The following STK32B variants were observed in gnomAD, a reference collection of about 807,000 sequenced individuals.
STK32B encodes serine/threonine-protein kinase 32B.
Under a neutral mutation model 52.6 loss-of-function variants are expected in STK32B, and 43 were observed. The observed-to-expected ratio is 0.82, with a 90% CI of 0.64 to 1.05. The LOEUF (loss-of-function observed/expected upper bound fraction) is 1.05. Ranked by LOEUF, STK32B falls within the 50% of genes least tolerant of loss-of-function variation. The pLI, the probability that STK32B is intolerant of heterozygous loss-of-function variation, is 0.00. For missense variants in STK32B, 621 were observed against 534.6 expected, an observed-to-expected ratio of 1.16 and a Z score of -1.59; for synonymous variants, 238 against 204.3, an observed-to-expected ratio of 1.17 and a Z score of -1.41.
chr4:5,221,587 A>G (rs1012001976), intron 3 of STK32B, among the ~76,000 whole-genome samples: 1 of 152,148 alleles, frequency 6.6e-6, no homozygotes, highest in African/African-American at 2.4e-5. Flanking sequence ...CTTCATGTCC[A>G]TGTTCATGGT....
At chr4:5,230,953 G>C (rs1310680489) in intron 3 of STK32B, among the ~76,000 whole-genome samples, 1 of 152,220 alleles carries the variant, frequency 6.6e-6, no homozygotes, top group Non-Finnish European at 1.5e-5. Context: ...AGACAATTTA[G>C]AGTCTATGGA....
rs913470161 is a variant in STK32B at position 5,489,385 on chromosome 4, A to G, written c.1107-9560A>G. On this transcript the variant is annotated intron_variant, in intron 11 of 11. Transcript: ENST00000282908. ...ATGCATGGTTTCCTGTCCATAACTC[A>G]GAAAATATGGCTGTTTTGATTAAAT... Among the ~76,000 whole-genome samples the G allele has an allele frequency of 7.9e-5, 12 of 152,352 alleles. No homozygotes were observed. The East Asian group carries it at 9.6e-4, about 12-fold the overall frequency.
chr4:5,076,230 C>T (rs144106898), intron 1 of STK32B, among the ~76,000 whole-genome samples: 9 of 152,150 alleles, frequency 5.9e-5, no homozygotes, highest in Admixed American at 2.0e-4. Context: ...ATGTAGAGTA[C>T]GACTAAGGAG....
intron 11 of STK32B, among the ~76,000 whole-genome samples, chr4:5,488,345 A>C (rs1719407049): frequency 6.6e-6 from 1 of 152,136 alleles, no homozygotes; most frequent in Non-Finnish European, 1.5e-5. Context: ...AATGGTGAGC[A>C]CTCTGGACTT....
chr4:5,083,771 C>G (rs1034520383), intron 1 of STK32B, among the ~76,000 whole-genome samples: 2 of 149,764 alleles, frequency 1.3e-5, no homozygotes, highest in African/African-American at 4.9e-5. Context: ...GAGTCTCACT[C>G]TCTTGCCCAG....
chr4:5,275,560 A>G, intron 3 of STK32B, among the ~76,000 whole-genome samples: 1 of 151,132 alleles, frequency 6.6e-6, no homozygotes, highest in Non-Finnish European at 1.5e-5. Flanking sequence ...TCTGTGAATC[A>G]GTTGCTTGCT....
At chr4:5,028,653 C>G in the STK32B span, among the ~76,000 whole-genome samples, 8 of 152,170 alleles carry the variant, frequency 5.3e-5, no homozygotes, top group Non-Finnish European at 1.0e-4. Context: ...CTATCAGCCT[C>G]AAACTGCGGT....
chr4:5,482,192 C>G (rs1313972729), intron 11 of STK32B, among the ~76,000 whole-genome samples: 1 of 152,110 alleles, frequency 6.6e-6, no homozygotes, highest in African/African-American at 2.4e-5. Context: ...GCCATTTTCA[C>G]GATATTGATT....
intron 3 of STK32B, among the ~76,000 whole-genome samples, chr4:5,205,053 C>T (rs190736853): frequency 2.9e-4 from 44 of 152,262 alleles, no homozygotes; most frequent in Admixed American, 2.0e-3. Flanking sequence ...CTGGAGGGCC[C>T]GAGTGGAACA....
chr4:5,314,860 A>C lies in STK32B; in HGVS notation c.261-16360A>C, dbSNP rs1730558185. Among the ~76,000 whole-genome samples the C allele has an allele frequency of 2.6e-5, 4 of 152,322 alleles. No individual in the cohort carries two copies. In the South Asian group the frequency reaches 8.3e-4, roughly 32 times the overall value. ...ATGAAGGAGATAAAATAAAAATACA[A>C]ATTTTATTTTAAAAATATAACATTG... is the stretch of plus-strand genomic sequence containing the variant. On this transcript the variant is annotated intron_variant, in intron 3 of 11. Coordinates refer to ENST00000282908, the MANE Select transcript of STK32B (RefSeq NM_018401.3).
intron 7 of STK32B, 97 bp downstream of exon 7, chr4:5,446,873 A>C: frequency 1.7e-6 from 2 of 1,187,794 alleles, no homozygotes; most frequent in Non-Finnish European, 2.4e-6. Flanking sequence ...GCGGTGCAGG[A>C]AGGAGCACTG....
intron 3 of STK32B, among the ~76,000 whole-genome samples, chr4:5,287,493 T>A (rs550908470): frequency 7.2e-5 from 11 of 151,854 alleles, no homozygotes; most frequent in Admixed American, 5.9e-4. Flanking sequence ...AAGTTTTTTT[T>A]ATTTTTGAAT....
chr4:5,379,914 C>A (rs574846766), intron 4 of STK32B, among the ~76,000 whole-genome samples: 1 of 152,278 alleles, frequency 6.6e-6, no homozygotes, highest in South Asian at 2.1e-4. Flanking sequence ...TTTGGGATCA[C>A]CTTGCTTTGG....
intron 3 of STK32B, among the ~76,000 whole-genome samples, chr4:5,299,200 G>A (rs545577659): frequency 7.9e-5 from 12 of 151,982 alleles, no homozygotes; most frequent in East Asian, 7.8e-4. Flanking sequence ...CACCTTTTGC[G>A]TTGGTCTCGC....
At chr4:5,321,035 G>T (rs1404129598) in intron 3 of STK32B, among the ~76,000 whole-genome samples, 1 of 152,106 alleles carries the variant, frequency 6.6e-6, no homozygotes, top group Non-Finnish European at 1.5e-5. Flanking sequence ...TGAAGGGAAG[G>T]GTCTTTGAGA....
intron 4 of STK32B, among the ~76,000 whole-genome samples, chr4:5,390,306 G>T (rs76879795): frequency 6.6e-6 from 1 of 152,156 alleles, no homozygotes; most frequent in Non-Finnish European, 1.5e-5. Flanking sequence ...AGCCATCCCA[G>T]TTATAATGGG....
chr4:5,131,710 A>C (rs78377233), intron 1 of STK32B, among the ~76,000 whole-genome samples: 17,973 of 152,086 alleles, frequency 0.12, 1,336 homozygotes, highest in Admixed American at 0.24. Context: ...CATCCTCCTC[A>C]TATCAGCATG....
chr4:5,078,303 T>C (rs1277686918), intron 1 of STK32B, among the ~76,000 whole-genome samples: 1 of 152,138 alleles, frequency 6.6e-6, no homozygotes, highest in Non-Finnish European at 1.5e-5. Context: ...ATTCACTCTC[T>C]AGAACTTTGT....
rs58022709 is a variant in STK32B at position 5,230,208 on chromosome 4, T to TTTTTTTTTTTTTTG, written c.260+61759_260+61760insTTTTTTTTTTTTGT. ...TTTTTTTTTTTTTTTTTTTTTTTTT[T>TTTTTTTTTTTTTTG]TAGTGGAGTCTTGCACCGTCGCCCA... On this transcript the variant is annotated intron_variant, in intron 3 of 11. Transcript: ENST00000282908. 1.5e-4 allele frequency among the ~76,000 whole-genome samples: 16 copies of TTTTTTTTTTTTTTG among 103,472 alleles called. 1 individual carries two copies. The highest frequency in any genetic ancestry group is 2.3e-4 in the African/African-American group (7 of 30,026). 67.9% of individuals were successfully genotyped at this position (103,472 alleles called of 152,430 possible). A position where few individuals can be genotyped will look rare whatever the true frequency, so the allele number is the denominator to read the frequency against.
Sources: allele counts gnomAD v4.1 joint callset (sites outside exome capture counted in the v4.1 genomes callset), GRCh38; gene constraint gnomAD v4.1.1; transcripts MANE v1.5; gene names NCBI Gene and HGNC (gene_info 2026-07-23, HGNC 2026-07-21).